SIPA1L3: variants seen among roughly 807,000 people sequenced by gnomAD.
SIPA1L3 encodes the protein signal induced proliferation associated 1 like 3, also known as signal-induced proliferation-associated 1-like protein 3.
SIPA1L3 carries 59 observed loss-of-function variants against 150.1 expected under a neutral mutation model. That is an observed-to-expected ratio of 0.39 (90% confidence interval 0.32 to 0.49). The LOEUF is 0.49. Among genes scored for constraint, SIPA1L3 ranks in the 20% least tolerant of loss-of-function variants. The pLI is 0.86. For synonymous variants in SIPA1L3, 1,070 were observed against 1,077.6 expected (o/e 0.99, Z 0.14); for missense variants, 2,211 against 2,489.5 (o/e 0.89, Z 2.38).
chr19:38,187,428 G>A lies in SIPA1L3; in HGVS notation c.4430+4688G>A, dbSNP rs542465305. Among the ~76,000 whole-genome samples, 26 of 151,652 alleles carry A rather than the reference G, an allele frequency of 1.7e-4. No homozygotes were observed. In the East Asian group the frequency reaches 2.7e-3, roughly 16 times the overall value. ...GATTGTGCCACTGCACTACAGCCTG[G>A]GCAACAAGAGTGAAACTCTTTCTCA... On this transcript the variant is annotated intron_variant, in intron 16 of 21. Transcript: ENST00000222345.
At chr19:37,945,631 T>C (rs2046703796) in intron 1 of SIPA1L3, among the ~76,000 whole-genome samples, 1 of 152,134 alleles carries the variant, frequency 6.6e-6, no homozygotes. Context: ...ACTTGAGTAG[T>C]CTAGCTTAAG....
At chr19:37,966,800 G>T (rs1384408278) in intron 1 of SIPA1L3, among the ~76,000 whole-genome samples, 1 of 152,172 alleles carries the variant, frequency 6.6e-6, no homozygotes, top group Non-Finnish European at 1.5e-5. Flanking sequence ...TGTCAGTCTG[G>T]CAGGTGGAAA....
intron 1 of SIPA1L3, among the ~76,000 whole-genome samples, chr19:37,963,149 T>C (rs1467059712): frequency 6.6e-6 from 1 of 152,042 alleles, no homozygotes; most frequent in African/African-American, 2.4e-5. Flanking sequence ...TTCAGTTTCT[T>C]CCTTTTTTTT....
At chr19:37,938,943 T>C (rs2046626979) in intron 1 of SIPA1L3, among the ~76,000 whole-genome samples, 1 of 152,152 alleles carries the variant, frequency 6.6e-6, no homozygotes, top group African/African-American at 2.4e-5. Context: ...CTTTTTCCTA[T>C]TGAATTGTAG....
In SIPA1L3 at chr19:38,046,960, C is replaced by A. The variant is rs1969073995; in HGVS notation, c.-311+17804C>A. On this transcript the variant is annotated intron_variant, in intron 2 of 21. Coordinates refer to ENST00000222345, the MANE Select transcript of SIPA1L3 (RefSeq NM_015073.3). The surrounding 1 kb of genome is among the most constrained non-coding windows in gnomAD (Gnocchi z 5.6). ...CACCTGGGTGGTTGAGTGGCTCTTC[C>A]AGAGACCCTTAAGTGGATGGGCTCC... is the stretch of plus-strand genomic sequence containing the variant. Among the ~76,000 whole-genome samples the A allele has an allele frequency of 6.6e-6, 1 of 152,204 alleles. No homozygotes were observed. The highest frequency in any genetic ancestry group is 2.1e-4 in the South Asian group (1 of 4,830).
At chr19:37,946,823 A>G (rs1447833330) in intron 1 of SIPA1L3, among the ~76,000 whole-genome samples, 1 of 152,072 alleles carries the variant, frequency 6.6e-6, no homozygotes, top group Non-Finnish European at 1.5e-5. Context: ...TTTTCTTCCT[A>G]GTTATTTTAC....
chr19:38,015,772 T>C (rs1407252780), intron 1 of SIPA1L3, among the ~76,000 whole-genome samples: 3 of 150,342 alleles, frequency 2.0e-5, no homozygotes, highest in African/African-American at 7.3e-5. Context: ...ATGGTCTTCA[T>C]GTTTCTTTCT....
At chr19:38,199,085 TGGG>T (rs1002598190) in intron 19 of SIPA1L3, among the ~76,000 whole-genome samples, 1 of 152,194 alleles carries the variant, frequency 6.6e-6, no homozygotes, top group Non-Finnish European at 1.5e-5. Flanking sequence ...CATCCTGGGT[TGGG>T]GGTTCCCCAT....
chr19:38,028,494 GT>G (rs1264711348), intron 1 of SIPA1L3, among the ~76,000 whole-genome samples: 1 of 152,006 alleles, frequency 6.6e-6, no homozygotes, highest in Admixed American at 6.6e-5. Flanking sequence ...CGAGCTCTCC[GT>G]TTAAGGTCAC....
intron 2 of SIPA1L3, among the ~76,000 whole-genome samples, chr19:38,043,576 G>C (rs1968977061): frequency 6.6e-6 from 1 of 152,158 alleles, no homozygotes; most frequent in Non-Finnish European, 1.5e-5. Context: ...GGCCCAAGAG[G>C]TTTAGGAAGG....
intron 18 of SIPA1L3, among the ~76,000 whole-genome samples, chr19:38,195,157 C>G (rs370191391): frequency 6.6e-6 from 1 of 152,196 alleles, no homozygotes; most frequent in African/African-American, 2.4e-5. Flanking sequence ...CCTCACAGAG[C>G]CTTCCTTTTG....
Position 38,193,733 on chromosome 19 carries a change from GC to G in SIPA1L3, c.4797del (p.Gly1600ValfsTer39). ...CACCAGCACCCCCACCCGCCCGTCGGCCCCGGTGCCACCCCTGCCGCCGGCA... is the reference window on the plus strand; with the variant it reads ...CACCAGCACCCCCACCCGCCCGTCGGCCCGGTGCCACCCCTGCCGCCGGCA... ...RQHQHPHPPV[G>X]PGATPAAGSG... On this transcript the variant is annotated frameshift_variant, in exon 18 of 22. Transcript: ENST00000222345. LOFTEE classifies it high-confidence loss of function. The G allele has an allele frequency of 6.4e-7, 1 of 1,569,838 alleles. No homozygotes were observed.
chr19:38,196,792 G>A (rs1195968659), intron 18 of SIPA1L3, among the ~76,000 whole-genome samples: 1 of 152,068 alleles, frequency 6.6e-6, no homozygotes, highest in Non-Finnish European at 1.5e-5. Context: ...GAGGCTGAGG[G>A]ACGAGCCAGG....
intron 1 of SIPA1L3, among the ~76,000 whole-genome samples, chr19:37,978,421 G>A (rs1001549427): frequency 1.3e-5 from 2 of 152,206 alleles, no homozygotes; most frequent in African/African-American, 4.8e-5. Flanking sequence ...TGCCTGAGCT[G>A]TGCAAAGGGA....
At chr19:38,113,643 C>T (rs1240520955) in intron 8 of SIPA1L3, among the ~76,000 whole-genome samples, 1 of 151,950 alleles carries the variant, frequency 6.6e-6, no homozygotes, top group African/African-American at 2.4e-5. Flanking sequence ...AAACAGACAT[C>T]ACGTGGCTGT....
rs967747624 is a variant in SIPA1L3 at position 38,164,520 on chromosome 19, C to T, written c.3822C>T (p.Leu1274=). The T allele has an allele frequency of 6.2e-7, 1 of 1,613,846 alleles. No homozygotes were observed. The highest frequency in any genetic ancestry group is 1.3e-5 in the African/African-American group (1 of 75,048). ...QYSSHSSSNT[L]SSNASSSHSD... ...CAAGTCATTCCAGCAGCAACACCCT[C>T]TCCAGCAACGCATCCAGCAGCCACA... Residue 1274 remains leucine, a synonymous_variant, in exon 15 of 22, where the codon CTC becomes CTT. Coordinates refer to ENST00000222345, the MANE Select transcript of SIPA1L3 (RefSeq NM_015073.3). This position sits in a 1 kb window ranked among gnomAD's most constrained non-coding sequence, Gnocchi z 4.1.
intron 9 of SIPA1L3, among the ~76,000 whole-genome samples, chr19:38,127,476 AT>A (rs1004397090): frequency 1.3e-5 from 2 of 151,946 alleles, no homozygotes; most frequent in Middle Eastern, 3.2e-3. Context: ...CAGAGATGTA[AT>A]TTTTTTTATT....
rs114998000 is a variant in SIPA1L3, at chr19:38,027,680, A to G, written c.-378-1409A>G. On this transcript the variant is annotated intron_variant, in intron 1 of 21. Transcript: ENST00000222345. ...CTGGGTTCACATCCTGGCTGTATAT[A>G]GTACACTTTTTTTTTTTTTTTAAAC... 1.6e-3 allele frequency among the ~76,000 whole-genome samples: 236 copies of G among 149,976 alleles called. 1 individual carries two copies. Among genetic ancestry groups the G allele is most frequent in the African/African-American group, 5.5e-3 (224 of 40,814 alleles).
chr19:38,196,467 G>A (rs117757642), intron 18 of SIPA1L3, among the ~76,000 whole-genome samples: 2,785 of 148,342 alleles, frequency 0.019, 38 homozygotes, highest in Non-Finnish European at 0.03. Context: ...GAGTGTGGAG[G>A]TCAAGGGCAG....
Sources: gnomAD v4.1 joint callset for allele counts (sites outside exome capture counted in the v4.1 genomes callset) on GRCh38, gnomAD v4.1.1 for gene constraint, Gnocchi (gnomAD v3.1) non-coding constraint, MANE v1.5 for transcripts, NCBI Gene and HGNC (gene_info 2026-07-23, HGNC 2026-07-21) for gene names.